Variants in MTRF1 observed in about 807,000 individuals in gnomAD.
MTRF1 encodes peptide chain release factor 1, mitochondrial.
MTRF1 carries 51 observed loss-of-function variants against 62.9 expected under a neutral mutation model. The ratio of observed to expected loss-of-function variants is 0.81; its 90% CI spans 0.65 to 1.02. The LOEUF (loss-of-function observed/expected upper bound fraction) is 1.02. Ranked by LOEUF, MTRF1 falls within the 50% of genes least tolerant of loss-of-function variation. The pLI is 0.00. For synonymous variants in MTRF1, 158 were observed against 181.9 expected, an observed-to-expected ratio of 0.87 and a Z score of 1.06; for missense variants, 446 against 530.0, an observed-to-expected ratio of 0.84 and a Z score of 1.56.
the MTRF1 span, among the ~76,000 whole-genome samples, chr13:41,299,082 G>T: frequency 7.3e-6 from 1 of 137,834 alleles, no homozygotes; most frequent in Admixed American, 7.8e-5. Context: ...GGAGGCTGAG[G>T]CAGGTGAATC....
intron 5 of MTRF1, among the ~76,000 whole-genome samples, chr13:41,249,958 G>GT (rs78144858): frequency 1.4e-4 from 20 of 146,984 alleles, no homozygotes; most frequent in South Asian, 6.4e-4. Context: ...TATTTGTAAT[G>GT]TTTTTTTTTT....
the MTRF1 span, among the ~76,000 whole-genome samples, chr13:41,290,334 C>T: frequency 7.9e-5 from 12 of 151,530 alleles, no homozygotes; most frequent in African/African-American, 7.3e-5. Flanking sequence ...CTCCTGACCT[C>T]GTGATCTGCC....
the MTRF1 span, among the ~76,000 whole-genome samples, chr13:41,281,277 T>C: frequency 1.3e-5 from 2 of 152,272 alleles, no homozygotes; most frequent in African/African-American, 2.4e-5. Context: ...TTAGACATTA[T>C]GGGCTGTACA....
intron 5 of MTRF1, among the ~76,000 whole-genome samples, chr13:41,247,277 G>A (rs1322332795): frequency 1.3e-5 from 2 of 152,198 alleles, no homozygotes; most frequent in African/African-American, 4.8e-5. Context: ...CTGTGACAAA[G>A]GGCTAGAGAG....
chr13:41,268,319 A>G (rs147211716), upstream of MTRF1, among the ~76,000 whole-genome samples: 80 of 152,342 alleles, frequency 5.3e-4, 2 homozygotes, highest in East Asian at 0.015. Flanking sequence ...AGGGAAACCA[A>G]TATCTTAAAG....
At chr13:41,243,183 C>T (rs554442535) in intron 5 of MTRF1, among the ~76,000 whole-genome samples, 29 of 152,004 alleles carry the variant, frequency 1.9e-4, no homozygotes, top group Non-Finnish European at 3.8e-4. Context: ...CGTGCCACTG[C>T]ACTCCAGCCT....
chr13:41,274,419 C>A, the MTRF1 span, among the ~76,000 whole-genome samples: 2 of 152,036 alleles, frequency 1.3e-5, no homozygotes, highest in Non-Finnish European at 2.9e-5. Context: ...AAAGTTATGA[C>A]CCTTGTACAA....
chr13:41,260,995 G>T lies in MTRF1; in HGVS notation c.-8-80C>A, dbSNP rs1279305690. ...ATAATAAACCTGGAAGGAACATCAAGAAATCTTGTTTCATCTACTGCCTCA... is the reference window on the plus strand; with the variant it reads ...ATAATAAACCTGGAAGGAACATCAATAAATCTTGTTTCATCTACTGCCTCA... On this transcript the variant is annotated intron_variant, in intron 1 of 9. Transcript: ENST00000379480. 4 of 1,315,258 alleles carry T rather than the reference G, an allele frequency of 3.0e-6. No individual in the cohort carries two copies. The African/African-American group carries it at 6.0e-5, about 20-fold the overall frequency. 81.5% of individuals were successfully genotyped at this position (1,315,258 alleles called of 1,614,324 possible).
chr13:41,223,265 A>G lies in MTRF1; in HGVS notation c.1215T>C (p.Arg405=). 6.2e-7 allele frequency: 1 copy of G among 1,611,802 alleles called. No homozygotes were observed. Among genetic ancestry groups the G allele is most frequent in the Non-Finnish European group, 8.5e-7 (1 of 1,178,242 alleles). ...TACTCAGTAGTATTACCTTAATATC[A>G]CGAACTTCATATGCTATCCTGTGGT... The part of the protein sequence containing the change: ...VSDHRIAYEV[R]DIKEFLCGGK... Residue 405 remains arginine, a synonymous_variant, in exon 9 of 10, where the codon CGT becomes CGC. Coordinates refer to ENST00000379480, the MANE Select transcript of MTRF1 (RefSeq NM_004294.4).
At chr13:41,257,602 A>C in intron 2 of MTRF1, 1 of 182,790 alleles carries the variant, frequency 5.5e-6, no homozygotes, top group African/African-American at 2.3e-5. Context: ...GGGAAAACAC[A>C]GGCTGGGCAA....
At chr13:41,275,472 T>C in the MTRF1 span, among the ~76,000 whole-genome samples, 1 of 150,684 alleles carries the variant, frequency 6.6e-6, no homozygotes, top group Admixed American at 6.6e-5. Context: ...AGTGCTGGGA[T>C]TACAGGCATG....
At chr13:41,245,475 C>T (rs1310378894) in intron 5 of MTRF1, among the ~76,000 whole-genome samples, 1 of 152,082 alleles carries the variant, frequency 6.6e-6, no homozygotes, top group Non-Finnish European at 1.5e-5. Context: ...AACTCCTGGG[C>T]TCAAGCGATC....
chr13:41,253,170 TATA>T (rs1384431692), intron 3 of MTRF1, 140 bp from the exon 4 acceptor site: 5 of 620,524 alleles, frequency 8.1e-6, no homozygotes, highest in East Asian at 2.9e-5. Context: ...CCAAAAATGC[TATA>T]ATAAGTAGAA....
chr13:41,243,979 T>C (rs906471490), intron 5 of MTRF1, among the ~76,000 whole-genome samples: 2 of 152,230 alleles, frequency 1.3e-5, no homozygotes, highest in Non-Finnish European at 2.9e-5. Context: ...AGTCCTTATG[T>C]AACAAATTTA....
chr13:41,288,036 G>T, the MTRF1 span: 1 of 395,938 alleles, frequency 2.5e-6, no homozygotes, highest in South Asian at 2.0e-5. Flanking sequence ...ATGCCACTCT[G>T]CACAGACATT....
At chr13:41,300,465 A>G in the MTRF1 span, among the ~76,000 whole-genome samples, 4 of 151,958 alleles carry the variant, frequency 2.6e-5, no homozygotes, top group Admixed American at 1.3e-4. Context: ...GGGCGCCTGT[A>G]GTCCCAGCTA....
intron 6 of MTRF1, chr13:41,235,179 C>A (rs1401344582): frequency 6.6e-6 from 1 of 151,568 alleles, no homozygotes; most frequent in Non-Finnish European, 1.5e-5. Context: ...CCACCTTGAA[C>A]TCCTGGACTT....
intron 5 of MTRF1, among the ~76,000 whole-genome samples, chr13:41,249,215 C>A (rs1304349366): frequency 6.6e-6 from 1 of 152,032 alleles, no homozygotes; most frequent in South Asian, 2.1e-4. Flanking sequence ...TTATCCACAC[C>A]CTTTTCTTCT....
intron 2 of MTRF1, among the ~76,000 whole-genome samples, chr13:41,257,294 T>C (rs183184942): frequency 1.6e-4 from 24 of 152,224 alleles, no homozygotes; most frequent in Non-Finnish European, 2.1e-4. Flanking sequence ...ATGAATAAGA[T>C]TGTACTTGAA....
Sources: allele counts gnomAD v4.1 joint callset (sites outside exome capture counted in the v4.1 genomes callset), GRCh38; gene constraint gnomAD v4.1.1; transcripts MANE v1.5; gene names NCBI Gene and HGNC (gene_info 2026-07-23, HGNC 2026-07-21).